NBEA: variants seen among roughly 807,000 people sequenced by gnomAD.
The protein encoded by NBEA is lysosomal-trafficking regulator 2.
Under a neutral mutation model 343.4 loss-of-function variants are expected in NBEA, and 44 were observed. That is an observed-to-expected ratio of 0.13 (90% CI 0.10 to 0.16). The LOEUF is 0.16. Among genes scored for constraint, NBEA ranks in the 10% least tolerant of loss-of-function variants. The pLI, the probability that NBEA is intolerant of heterozygous loss-of-function variation, is 1.00. For missense variants in NBEA, 2,555 were observed against 3,631.3 expected (o/e 0.70, Z 7.62); for synonymous variants, 1,175 against 1,238.7 (o/e 0.95, Z 1.08).
chr13:35,042,971 A>G (rs917937652), intron 2 of NBEA, among the ~76,000 whole-genome samples: 1 of 151,840 alleles, frequency 6.6e-6, no homozygotes, highest in African/African-American at 2.4e-5. Flanking sequence ...TAAACATTTT[A>G]TAACAAATTG....
intron 56 of NBEA, among the ~76,000 whole-genome samples, chr13:35,667,170 G>A (rs765080381): frequency 1.3e-4 from 20 of 152,134 alleles, no homozygotes; most frequent in Admixed American, 3.3e-4. Context: ...AGAAGCGTGC[G>A]GCGTAGGAGT....
intron 47 of NBEA, among the ~76,000 whole-genome samples, chr13:35,599,558 T>G (rs1332641190): frequency 6.6e-6 from 1 of 152,218 alleles, no homozygotes; most frequent in East Asian, 1.9e-4. Flanking sequence ...GCCACTCTAT[T>G]GCATGTGGTA....
intron 1 of NBEA, among the ~76,000 whole-genome samples, chr13:35,040,372 G>A (rs895684257): frequency 4.0e-5 from 6 of 150,850 alleles, no homozygotes; most frequent in African/African-American, 1.5e-4. Context: ...TCACATTTGT[G>A]CTTTAAAAAA....
chr13:34,991,798 A>G (rs964238441), intron 1 of NBEA, among the ~76,000 whole-genome samples: 3 of 152,132 alleles, frequency 2.0e-5, no homozygotes, highest in African/African-American at 4.8e-5. Flanking sequence ...TCATTTCCCT[A>G]CAGCCTGAAG....
At chr13:35,058,575 A>C (rs1423297962) in intron 7 of NBEA, 142 bp from the exon 8 acceptor site, 1 of 688,832 alleles carries the variant, frequency 1.5e-6, no homozygotes, top group East Asian at 2.9e-5. Context: ...TTTATTATTA[A>C]AATAATAAAG....
chr13:35,142,359 A>G lies in NBEA; in HGVS notation c.2427A>G (p.Thr809=), dbSNP rs1449763652. The G allele has an allele frequency of 6.2e-7, 1 of 1,612,166 alleles. No individual in the cohort carries two copies. The highest frequency in any genetic ancestry group is 1.3e-5 in the African/African-American group (1 of 74,880). Residue 809 remains threonine, a synonymous_variant, in exon 18 of 59, where the codon ACA becomes ACG. Transcript: ENST00000379939. ...ATACAAACACTGTGACTGTCACCAC[A>G]TACAACACACTTTATGAGGTAAAAA... ...MLHTNTVTVT[T]YNTLYEILTE... is the part of the protein sequence containing the mutation.
intron 48 of NBEA, among the ~76,000 whole-genome samples, chr13:35,617,372 C>A (rs936418687): frequency 6.6e-6 from 1 of 152,158 alleles, no homozygotes; most frequent in Admixed American, 6.5e-5. Flanking sequence ...GAAGCAGTGC[C>A]GGGTGAAATG....
chr13:35,660,390 G>A (rs117195447), intron 55 of NBEA, among the ~76,000 whole-genome samples: 5,893 of 152,208 alleles, frequency 0.039, 164 homozygotes, highest in Non-Finnish European at 0.053. Context: ...AGGATTTACC[G>A]TTCATCTTTT....
At chr13:35,175,249 T>G (rs934825078) in intron 27 of NBEA, among the ~76,000 whole-genome samples, 9 of 152,200 alleles carry the variant, frequency 5.9e-5, no homozygotes, top group Non-Finnish European at 7.3e-5. Context: ...ATCTTTAAAA[T>G]GGATACAAAT....
chr13:35,364,774 G>T (rs1188149529), intron 38 of NBEA, among the ~76,000 whole-genome samples: 2 of 151,706 alleles, frequency 1.3e-5, no homozygotes, highest in African/African-American at 4.8e-5. Flanking sequence ...GGCCTGTGAG[G>T]CTGACAGATA....
chr13:35,053,336 G>A (rs920167423), intron 6 of NBEA, among the ~76,000 whole-genome samples: 4 of 151,986 alleles, frequency 2.6e-5, no homozygotes, highest in African/African-American at 9.7e-5. Context: ...AAGCATCTGT[G>A]CTGTATTGTA....
chr13:35,422,834 G>A lies in NBEA; in HGVS notation c.6180-9435G>A, dbSNP rs189583056. Among the ~76,000 whole-genome samples, 10 of 152,148 alleles carry A rather than the reference G, an allele frequency of 6.6e-5. No homozygotes were observed. In the South Asian group the frequency reaches 1.2e-3, roughly 19 times the overall value. Reference sequence around the variant, plus strand: ...GTTGTTTCCTGACTTTTTAATGATCGCCATTCTAACTGGTGTGAAATGGTA... The same window carrying A: ...GTTGTTTCCTGACTTTTTAATGATCACCATTCTAACTGGTGTGAAATGGTA... On this transcript the variant is annotated intron_variant, in intron 38 of 58. Transcript: ENST00000379939.
At chr13:35,065,085 T>A (rs1359321555) in intron 8 of NBEA, among the ~76,000 whole-genome samples, 2 of 151,538 alleles carry the variant, frequency 1.3e-5, no homozygotes, top group African/African-American at 4.8e-5. Flanking sequence ...ATTATTTCCT[T>A]ATATTGATGT....
intron 17 of NBEA, among the ~76,000 whole-genome samples, chr13:35,139,006 T>C (rs610757): frequency 6.6e-6 from 1 of 151,976 alleles, no homozygotes; most frequent in East Asian, 1.9e-4. Flanking sequence ...TCTTTCTTTA[T>C]TGTTTTCTTT....
chr13:35,176,633 T>G (rs2070921457), intron 27 of NBEA, among the ~76,000 whole-genome samples: 1 of 151,992 alleles, frequency 6.6e-6, no homozygotes, highest in African/African-American at 2.4e-5. Context: ...TCTCATATAT[T>G]ATAAAAGCAT....
chr13:35,154,203 T>A (rs1445501694), intron 18 of NBEA, among the ~76,000 whole-genome samples: 1 of 152,186 alleles, frequency 6.6e-6, no homozygotes, highest in East Asian at 1.9e-4. Context: ...TATGTAAATG[T>A]CCTGTCTTAG....
Position 35,117,406 on chromosome 13 carries a change from T to C in NBEA, c.2003-8T>C. ...TTTTATTTTACTTTTTTTTCTGTTT[T>C]GTTCTAGATGGTCCCCGGCCATCAC... On this transcript the variant is annotated splice_polypyrimidine_tract_variant and splice_region_variant and intron_variant, in intron 13 of 58. Transcript: ENST00000379939. 2 of 1,308,324 alleles carry C rather than the reference T, an allele frequency of 1.5e-6. No homozygotes were observed. Among genetic ancestry groups the C allele is most frequent in the Non-Finnish European group, 2.0e-6 (2 of 1,018,976 alleles). 81.0% of individuals were successfully genotyped at this position (1,308,324 alleles called of 1,614,324 possible).
chr13:35,348,150 G>A (rs932472311), intron 36 of NBEA, among the ~76,000 whole-genome samples: 3 of 152,046 alleles, frequency 2.0e-5, no homozygotes, highest in African/African-American at 7.2e-5. Context: ...GGGAAATGTT[G>A]TTGCAGCCAT....
At chr13:35,074,841 T>C (rs552599060) in intron 10 of NBEA, among the ~76,000 whole-genome samples, 1 of 152,272 alleles carries the variant, frequency 6.6e-6, no homozygotes, top group South Asian at 2.1e-4. Context: ...TAAAACGTAC[T>C]AATTATGAAT....
Sources: gnomAD v4.1 joint callset for allele counts (sites outside exome capture counted in the v4.1 genomes callset) on GRCh38, gnomAD v4.1.1 for gene constraint, MANE v1.5 for transcripts, NCBI Gene and HGNC (gene_info 2026-07-23, HGNC 2026-07-21) for gene names.